Variants in BAZ1B observed in about 807,000 individuals in gnomAD.
BAZ1B encodes the protein tyrosine-protein kinase BAZ1B.
A neutral mutation model predicts 153.8 loss-of-function variants in BAZ1B; 22 were observed. The observed-to-expected ratio is 0.14, with a 90% CI of 0.10 to 0.20. The LOEUF is 0.20. BAZ1B is among the 10% of genes least tolerant of loss of function. BAZ1B has a pLI of 1.00. For synonymous variants in BAZ1B, 676 were observed against 633.4 expected (o/e 1.07, Z -1.01); for missense variants, 1,325 against 1,799.3 (o/e 0.74, Z 4.77).
At chr7:73,445,933 G>C (rs1554566510) in intron 16 of BAZ1B, among the ~76,000 whole-genome samples, 3 of 152,192 alleles carry the variant, frequency 2.0e-5, no homozygotes, top group Non-Finnish European at 4.4e-5. Context: ...AACAGAAGAG[G>C]ATATTCCTGA....
intron 11 of BAZ1B, among the ~76,000 whole-genome samples, chr7:73,464,965 A>G (rs540032953): frequency 6.6e-6 from 1 of 151,956 alleles, no homozygotes; most frequent in African/African-American, 2.4e-5. Context: ...AAACTCCTGG[A>G]TGCAAGACAC....
At chr7:73,469,460 AAT>A in intron 9 of BAZ1B, 55 bp downstream of exon 9, 1 of 1,597,310 alleles carries the variant, frequency 6.3e-7, no homozygotes, top group Non-Finnish European at 8.6e-7. Flanking sequence ...AGCAGTCCTT[AAT>A]GTTGAGCCCA....
At chr7:73,450,000 C>T (rs1044956406) in intron 14 of BAZ1B, among the ~76,000 whole-genome samples, 6 of 152,022 alleles carry the variant, frequency 3.9e-5, no homozygotes, top group Non-Finnish European at 7.4e-5. Context: ...GCTGCTTTTT[C>T]GACCTCCCCA....
intron 7 of BAZ1B, among the ~76,000 whole-genome samples, chr7:73,476,171 G>A (rs964051389): frequency 1.8e-4 from 28 of 152,236 alleles, no homozygotes; most frequent in Admixed American, 3.9e-4. Flanking sequence ...GGCGAATGGG[G>A]TAATGACAGT....
chr7:73,466,923 T>A (rs1294395921), intron 9 of BAZ1B, among the ~76,000 whole-genome samples: 2 of 152,118 alleles, frequency 1.3e-5, no homozygotes, highest in Non-Finnish European at 2.9e-5. Flanking sequence ...AATATTTGGT[T>A]TTTTGTTTTG....
At position 73,443,965 on chromosome 7, in the gene BAZ1B, G is replaced by A. The variant is rs1554565689; in HGVS notation, c.3990+19C>T. 1 of 1,613,354 alleles carries A rather than the reference G, an allele frequency of 6.2e-7. No homozygotes were observed. Among genetic ancestry groups the A allele is most frequent in the Admixed American group, 1.7e-5 (1 of 59,914 alleles). ...TAAGAAACAGAAAGGTTAGAGAAGG[G>A]ATGATAAATAATTCTCACCAGCTCA... is the stretch of plus-strand genomic sequence containing the variant. On this transcript the variant is annotated intron_variant, in intron 17 of 19. Coordinates refer to ENST00000339594, the MANE Select transcript of BAZ1B (RefSeq NM_032408.4).
chr7:73,508,348 C>A lies in BAZ1B; in HGVS notation c.348G>T (p.Val116=). Residue 116 remains valine, a synonymous_variant, in exon 3 of 20, where the codon GTG becomes GTT. Coordinates refer to ENST00000339594, the MANE Select transcript of BAZ1B (RefSeq NM_032408.4). ...AWLEIMTKYA[V]GEECDFEVGK... ...TCACCTCGAAGTCACACTCTTCTCC[C>A]ACAGCATATTTGGTCATGATCTCCA... 6.2e-7 allele frequency: 1 copy of A among 1,613,774 alleles called. No individual in the cohort carries two copies. Among genetic ancestry groups the A allele is most frequent in the Middle Eastern group, 1.6e-4 (1 of 6,062 alleles).
At chr7:73,468,037 T>C (rs1554571442) in intron 9 of BAZ1B, among the ~76,000 whole-genome samples, 1 of 152,260 alleles carries the variant, frequency 6.6e-6, no homozygotes, top group Non-Finnish European at 1.5e-5. Context: ...TTAACAATTT[T>C]GTGAGTTTCA....
chr7:73,478,730 G>GT (rs1554573287), intron 6 of BAZ1B, among the ~76,000 whole-genome samples, 161 bp from the exon 7 acceptor site: 1 of 152,134 alleles, frequency 6.6e-6, no homozygotes, highest in Non-Finnish European at 1.5e-5. Flanking sequence ...AGACATGAAT[G>GT]TTAGCTAATG....
chr7:73,465,321 T>G, intron 11 of BAZ1B, 118 bp downstream of exon 11: 1 of 636,354 alleles, frequency 1.6e-6, no homozygotes, highest in South Asian at 2.9e-5. Flanking sequence ...ACAAAACGGT[T>G]ACACATTTAA....
chr7:73,447,559 C>T (rs781981900), intron 15 of BAZ1B, among the ~76,000 whole-genome samples, 180 bp from the exon 16 acceptor site: 1 of 152,032 alleles, frequency 6.6e-6, no homozygotes. Flanking sequence ...AATGAAAAAC[C>T]AAGTTTCAAC....
chr7:73,503,262 G>A (rs1790208155), intron 3 of BAZ1B, among the ~76,000 whole-genome samples: 1 of 152,030 alleles, frequency 6.6e-6, no homozygotes, highest in South Asian at 2.1e-4. Flanking sequence ...TTATTAATCT[G>A]ATGTGTATAC....
At position 73,477,991 on chromosome 7, in the gene BAZ1B, G is replaced by A. The variant is rs147261399; in HGVS notation, c.1470C>T (p.Asp490=). ...AYYKENKDRE[D]KRSALSCVIS... ...TAACACAGGACAGGGCGCTCCTCTTGTCCTCCCTGTCTTTGTTTTCTTTGT... is the reference window on the plus strand; with the variant it reads ...TAACACAGGACAGGGCGCTCCTCTTATCCTCCCTGTCTTTGTTTTCTTTGT... Residue 490 remains aspartate, a synonymous_variant, in exon 7 of 20, where the codon GAC becomes GAT. Coordinates refer to ENST00000339594, the MANE Select transcript of BAZ1B (RefSeq NM_032408.4). The surrounding 1 kb of genome is among the most constrained non-coding windows in gnomAD (Gnocchi z 5.6). 6.2e-7 allele frequency: 1 copy of A among 1,613,958 alleles called. No individual in the cohort carries two copies. Among genetic ancestry groups the A allele is most frequent in the African/African-American group, 1.3e-5 (1 of 74,908 alleles).
At chr7:73,500,201 T>C (rs544233897) in intron 3 of BAZ1B, among the ~76,000 whole-genome samples, 3 of 152,272 alleles carry the variant, frequency 2.0e-5, no homozygotes, top group Admixed American at 2.0e-4. Context: ...CTATTCAGCC[T>C]CAACAAAACT....
chr7:73,459,539 T>A lies in BAZ1B; in HGVS notation c.3429A>T (p.Ala1143=). ...ACAACTTATAACAACAAAATACCTT[T>A]GCTTCCTCTACCATTTTCTTCTCTT... ...VDEEKKMVEE[A]KVASALEKWK... The change falls in exon 13 of 20, where the codon GCA becomes GCT. Residue 1143 remains alanine (A), a synonymous_variant. Coordinates refer to ENST00000339594, the MANE Select transcript of BAZ1B (RefSeq NM_032408.4). 1 of 1,611,558 alleles carries A rather than the reference T, an allele frequency of 6.2e-7. No individual in the cohort carries two copies. The highest frequency in any genetic ancestry group is 8.5e-7 in the Non-Finnish European group (1 of 1,179,410).
At position 73,465,363 on chromosome 7, in the gene BAZ1B, G is replaced by A. The variant is rs937832301; in HGVS notation, c.3071+76C>T. The A allele has an allele frequency of 3.0e-6, 3 of 1,011,252 alleles. No homozygotes were observed. In the Admixed American group the frequency reaches 8.1e-5, roughly 27 times the overall value. The allele number at this position is 1,011,252 out of a possible 1,614,324, so 62.6% of individuals were successfully genotyped here. On this transcript the variant is annotated intron_variant, in intron 11 of 19. Transcript: ENST00000339594. ...TTACTTTAGTAACTTAAATGGATAA[G>A]AAAAAAAACCCTCAGATATTTATAT...
chr7:73,443,526 G>C (rs1450599621), intron 17 of BAZ1B, among the ~76,000 whole-genome samples: 1 of 123,530 alleles, frequency 8.1e-6, no homozygotes, highest in Non-Finnish European at 1.9e-5. Context: ...CTTTTCAAGA[G>C]TTTCTTTTTT....
At chr7:73,454,777 C>T (rs569654955) in intron 13 of BAZ1B, among the ~76,000 whole-genome samples, 14 of 152,290 alleles carry the variant, frequency 9.2e-5, no homozygotes, top group African/African-American at 3.4e-4. Flanking sequence ...ACTGCTGTTT[C>T]TCATCATTAC....
At chr7:73,479,717 C>T (rs1439237571) in intron 6 of BAZ1B, among the ~76,000 whole-genome samples, 1 of 152,036 alleles carries the variant, frequency 6.6e-6, no homozygotes, top group Non-Finnish European at 1.5e-5. Context: ...AAATTTTAGT[C>T]AATCATGATA....
Sources: gnomAD v4.1 joint callset for allele counts (sites outside exome capture counted in the v4.1 genomes callset) on GRCh38, gnomAD v4.1.1 for gene constraint, Gnocchi (gnomAD v3.1) non-coding constraint, MANE v1.5 for transcripts, NCBI Gene and HGNC (gene_info 2026-07-23, HGNC 2026-07-21) for gene names.